The following CACNA2D3 variants were observed in gnomAD, a reference collection of about 807,000 sequenced individuals.
The protein encoded by CACNA2D3 is calcium voltage-gated channel auxiliary subunit alpha2delta 3.
Under a neutral mutation model 160.6 loss-of-function variants are expected in CACNA2D3, and 60 were observed. The ratio of observed to expected loss-of-function variants is 0.37; its 90% CI spans 0.30 to 0.46. The LOEUF (loss-of-function observed/expected upper bound fraction) is 0.46. CACNA2D3 is among the 20% of genes least tolerant of loss of function. The probability of loss-of-function intolerance (pLI) is 1.00; values close to 1 mark genes in which losing one functional copy is unlikely to be tolerated. For synonymous variants in CACNA2D3, 558 were observed against 492.9 expected, an observed-to-expected ratio of 1.13 and a Z score of -1.75; for missense variants, 1,205 against 1,365.0, an observed-to-expected ratio of 0.88 and a Z score of 1.85.
chr3:54,889,473 T>A (rs1575533443), intron 24 of CACNA2D3, among the ~76,000 whole-genome samples: 1 of 151,748 alleles, frequency 6.6e-6, no homozygotes, highest in Non-Finnish European at 1.5e-5. Flanking sequence ...TGATGATGGG[T>A]TTGTTGTGGA....
intron 31 of CACNA2D3, among the ~76,000 whole-genome samples, chr3:54,989,081 G>A (rs2107111053): frequency 6.6e-6 from 1 of 152,312 alleles, no homozygotes; most frequent in East Asian, 1.9e-4. Flanking sequence ...GCCATCCACG[G>A]CACCACTGAC....
At chr3:54,581,782 C>T (rs1702682038) in intron 8 of CACNA2D3, 21 bp from the exon 9 acceptor site, 1 of 1,602,986 alleles carries the variant, frequency 6.2e-7, no homozygotes, top group African/African-American at 1.3e-5. Context: ...AGTGTTCCTT[C>T]TTGACTTTTT....
intron 4 of CACNA2D3, among the ~76,000 whole-genome samples, chr3:54,394,318 A>ACTTTTT (rs1553645766): frequency 1.9e-4 from 26 of 139,326 alleles, no homozygotes; most frequent in African/African-American, 6.2e-4. Context: ...GAGAGTGAAC[A>ACTTTTT]TTTTTTTTTT....
Position 54,809,462 on chromosome 3 carries a change from G to A in CACNA2D3, c.1381-7391G>A, listed in dbSNP as rs1353440917. ...GCCTCCCGAGTAGCTGGGACTACAG[G>A]CGCCCGCCACCGCGCCCGGCTAATT... On this transcript the variant is annotated intron_variant, in intron 13 of 37. Coordinates refer to ENST00000474759, the MANE Select transcript of CACNA2D3 (RefSeq NM_018398.3). Among the ~76,000 whole-genome samples the A allele has an allele frequency of 1.4e-5, 2 of 144,102 alleles. 1 individual carries two copies. Among genetic ancestry groups the A allele is most frequent in the African/African-American group, 5.5e-5 (2 of 36,112 alleles). The allele number at this position is 144,102 out of a possible 152,430, so 94.5% of individuals were successfully genotyped here.
intron 2 of CACNA2D3, among the ~76,000 whole-genome samples, chr3:54,253,474 G>A (rs1293045963): frequency 2.6e-5 from 4 of 152,068 alleles, no homozygotes; most frequent in Admixed American, 2.0e-4. Context: ...ACTTTCAAAT[G>A]ACCAGAGCTC....
At chr3:54,523,008 C>T (rs892449383) in intron 5 of CACNA2D3, among the ~76,000 whole-genome samples, 2 of 151,840 alleles carry the variant, frequency 1.3e-5, no homozygotes, top group East Asian at 1.9e-4. Context: ...CTAGAACTTC[C>T]AGTATAGTGA....
intron 2 of CACNA2D3, among the ~76,000 whole-genome samples, chr3:54,141,460 C>G (rs1315897879): frequency 6.6e-6 from 1 of 152,232 alleles, no homozygotes; most frequent in Non-Finnish European, 1.5e-5. Context: ...TGAAACTTTA[C>G]TGCTCATCTG....
At chr3:54,350,518 C>T (rs1418037710) in intron 3 of CACNA2D3, among the ~76,000 whole-genome samples, 1 of 152,182 alleles carries the variant, frequency 6.6e-6, no homozygotes, top group Non-Finnish European at 1.5e-5. Context: ...AGAGGCTTTA[C>T]TGACAAAAGT....
At chr3:54,806,076 A>T (rs1703113460) in intron 13 of CACNA2D3, among the ~76,000 whole-genome samples, 1 of 152,234 alleles carries the variant, frequency 6.6e-6, no homozygotes, top group Non-Finnish European at 1.5e-5. Flanking sequence ...CCTATCTATG[A>T]CAAACCCACA....
chr3:54,132,692 A>C (rs1699736798), intron 2 of CACNA2D3, among the ~76,000 whole-genome samples: 1 of 152,244 alleles, frequency 6.6e-6, no homozygotes, highest in Non-Finnish European at 1.5e-5. Context: ...GAAAGAAATC[A>C]GAGGATTGAC....
chr3:54,521,760 C>T (rs1701649711), intron 5 of CACNA2D3, among the ~76,000 whole-genome samples: 1 of 152,060 alleles, frequency 6.6e-6, no homozygotes, highest in Admixed American at 6.6e-5. Context: ...AGAGTCCAAC[C>T]TCATTCTTTT....
intron 2 of CACNA2D3, among the ~76,000 whole-genome samples, chr3:54,245,702 C>T (rs1020814815): frequency 1.3e-5 from 2 of 152,306 alleles, no homozygotes; most frequent in Middle Eastern, 3.4e-3. Flanking sequence ...GAAGGTCACA[C>T]GATCTCCCCC....
chr3:54,810,513 A>G (rs1029162704), intron 13 of CACNA2D3, among the ~76,000 whole-genome samples: 2 of 152,234 alleles, frequency 1.3e-5, no homozygotes, highest in African/African-American at 4.8e-5. Flanking sequence ...TCCACAGGGA[A>G]AAAAATGAAC....
At chr3:54,463,542 AC>A (rs1364900229) in intron 4 of CACNA2D3, among the ~76,000 whole-genome samples, 1 of 152,076 alleles carries the variant, frequency 6.6e-6, no homozygotes, top group African/African-American at 2.4e-5. Context: ...CATCACTGAT[AC>A]CCTTTCTTCC....
chr3:54,173,680 C>T (rs1229783060), intron 2 of CACNA2D3, among the ~76,000 whole-genome samples: 2 of 152,200 alleles, frequency 1.3e-5, no homozygotes, highest in Admixed American at 6.5e-5. Flanking sequence ...AGCACAGGTA[C>T]GTCTAAAAGA....
chr3:54,925,286 T>C (rs1700982897), intron 27 of CACNA2D3: 2 of 1,276,076 alleles, frequency 1.6e-6, no homozygotes, highest in Non-Finnish European at 2.2e-6. Flanking sequence ...TTTCCGCCTT[T>C]GAATTTACAG....
Position 54,404,281 on chromosome 3 carries a change from A to C in CACNA2D3, c.381+17507A>C, listed in dbSNP as rs535396664. Among the ~76,000 whole-genome samples the C allele has an allele frequency of 4.6e-5, 7 of 152,284 alleles. No homozygotes were observed. The East Asian group carries it at 9.7e-4, about 21-fold the overall frequency. ...AGCAACTCAAATTCAAGAACAAATCAAGAAGATTATACATCATGATCGAGA... is the reference window on the plus strand; with the variant it reads ...AGCAACTCAAATTCAAGAACAAATCCAGAAGATTATACATCATGATCGAGA... On this transcript the variant is annotated intron_variant, in intron 4 of 37. Coordinates refer to ENST00000474759, the MANE Select transcript of CACNA2D3 (RefSeq NM_018398.3).
At chr3:54,872,189 T>G (rs1397816766) in intron 18 of CACNA2D3, among the ~76,000 whole-genome samples, 1 of 152,118 alleles carries the variant, frequency 6.6e-6, no homozygotes. Context: ...ACCCCATGCT[T>G]TTTCCCCACG....
intron 5 of CACNA2D3, among the ~76,000 whole-genome samples, chr3:54,528,962 G>A (rs1177366656): frequency 2.0e-5 from 3 of 152,198 alleles, no homozygotes; most frequent in African/African-American, 7.2e-5. Context: ...GTGTCAGGGA[G>A]AGCAGGCCTA....
Sources: allele counts gnomAD v4.1 joint callset (sites outside exome capture counted in the v4.1 genomes callset), GRCh38; gene constraint gnomAD v4.1.1; transcripts MANE v1.5; gene names NCBI Gene and HGNC (gene_info 2026-07-23, HGNC 2026-07-21).